PHF10: variants seen among roughly 807,000 people sequenced by gnomAD.
PHF10 encodes the protein BRG1-associated factor 45a.
In PHF10, 51 loss-of-function variants were observed where a neutral mutation model predicts 68.5. The ratio of observed to expected loss-of-function variants is 0.74; its 90% CI spans 0.59 to 0.94. The LOEUF is 0.94. PHF10 is among the 40% of genes least tolerant of loss of function. PHF10 has a pLI of 0.00. For synonymous variants in PHF10, 204 were observed against 203.5 expected, an observed-to-expected ratio of 1.00 and a Z score of -0.02; for missense variants, 460 against 602.6, an observed-to-expected ratio of 0.76 and a Z score of 2.48.
chr6:169,711,881 CT>C (rs1788932660), intron 8 of PHF10, among the ~76,000 whole-genome samples: 1 of 152,248 alleles, frequency 6.6e-6, no homozygotes, highest in East Asian at 1.9e-4. Context: ...TTTTATTCTC[CT>C]TCAGGTGCAC....
intron 3 of PHF10, 70 bp downstream of exon 3, chr6:169,718,718 T>A (rs1789109064): frequency 2.2e-6 from 2 of 903,768 alleles, no homozygotes; most frequent in African/African-American, 3.4e-5. Context: ...TACAGAAAAA[T>A]TCAGAAGTTG....
chr6:169,716,244 CTT>C (rs1227758520), intron 4 of PHF10, among the ~76,000 whole-genome samples, 156 bp from the exon 5 acceptor site: 1 of 152,082 alleles, frequency 6.6e-6, no homozygotes, highest in Non-Finnish European at 1.5e-5. Flanking sequence ...AATAATTAAA[CTT>C]AATATTCACA....
At chr6:169,719,319 G>T (rs983000020) in intron 2 of PHF10, 4 of 163,232 alleles carry the variant, frequency 2.5e-5, no homozygotes, top group African/African-American at 9.6e-5. Context: ...CTTGTCTACT[G>T]TTCAGTGAGT....
chr6:169,713,966 C>A (rs1446547943), intron 7 of PHF10, among the ~76,000 whole-genome samples: 1 of 152,056 alleles, frequency 6.6e-6, no homozygotes, highest in Non-Finnish European at 1.5e-5. Flanking sequence ...ACCAAAAATA[C>A]AAATAATTAG....
intron 7 of PHF10, among the ~76,000 whole-genome samples, chr6:169,712,929 T>C (rs1788958654): frequency 1.3e-5 from 2 of 152,192 alleles, no homozygotes; most frequent in African/African-American, 4.8e-5. Context: ...AATAATAGCA[T>C]CTACCGCATA....
Position 169,724,380 on chromosome 6 carries a change from C to CCGCCTCAGCCCCGCCGCT in PHF10, c.-467_-450dup, listed in dbSNP as rs1207013398. 3.1e-4 allele frequency among the ~76,000 whole-genome samples: 24 copies of CCGCCTCAGCCCCGCCGCT among 77,216 alleles called. No homozygotes were observed. The East Asian group carries it at 6.9e-3, about 22-fold the overall frequency. 50.7% of individuals were successfully genotyped at this position (77,216 alleles called of 152,430 possible). On this transcript the variant is annotated 5_prime_UTR_variant, in exon 1 of 12. Transcript: ENST00000339209. ...CCGCTCGCTCGCCTCAGCCCCGCGG[C>CCGCCTCAGCCCCGCCGCT]CGCCTCAGCCCCGCCGCTCGCCTCA...
chr6:169,723,967 G>T lies in PHF10; in HGVS notation c.-36C>A, dbSNP rs866291528. On this transcript the variant is annotated 5_prime_UTR_variant, in exon 1 of 12. Transcript: ENST00000339209. ...GCCCCGCGCCGCCGCCGCCGCCGTCGCCTCCGCCTTGTCCCGGCCGCCGCC... is the reference window on the plus strand; with the variant it reads ...GCCCCGCGCCGCCGCCGCCGCCGTCTCCTCCGCCTTGTCCCGGCCGCCGCC... 5.5e-5 allele frequency: 38 copies of T among 685,380 alleles called. No homozygotes were observed. The African/African-American group carries it at 6.9e-4, about 12-fold the overall frequency. 42.5% of individuals were successfully genotyped at this position (685,380 alleles called of 1,614,324 possible). A position where few individuals can be genotyped will look rare whatever the true frequency, so the allele number is the denominator to read the frequency against.
chr6:169,721,560 T>C (rs1017366169), intron 1 of PHF10, among the ~76,000 whole-genome samples: 9 of 152,188 alleles, frequency 5.9e-5, no homozygotes, highest in Non-Finnish European at 1.3e-4. Context: ...ATTCTAACTA[T>C]TCACTCTTCC....
At chr6:169,717,073 A>G (rs3924825) in intron 4 of PHF10, among the ~76,000 whole-genome samples, 60,898 of 151,866 alleles carry the variant, frequency 0.4, 14,281 homozygotes, top group East Asian at 0.94. Context: ...CCAACATGGT[A>G]AAACCCCGTC....
chr6:169,710,235 C>T lies in PHF10; in HGVS notation c.1113+1G>A. 4 of 1,605,000 alleles carry T rather than the reference C, an allele frequency of 2.5e-6. No individual in the cohort carries two copies. Among genetic ancestry groups the T allele is most frequent in the Non-Finnish European group, 3.4e-6 (4 of 1,177,138 alleles). ...CTGAGTCAGGGGCTTTTTTCTTCTA[C>T]CTTGTACCCAGGAACTGACTTGGAC... On this transcript the variant is annotated splice_donor_variant, in intron 9 of 11. Coordinates refer to ENST00000339209, the MANE Select transcript of PHF10 (RefSeq NM_018288.4). LOFTEE classifies it high-confidence loss of function.
Position 169,705,274 on chromosome 6 carries a change from T to TA in PHF10, c.1269dup (p.Lys424Ter). 6.2e-7 allele frequency: 1 copy of TA among 1,613,402 alleles called. No homozygotes were observed. Among genetic ancestry groups the TA allele is most frequent in the Non-Finnish European group, 8.5e-7 (1 of 1,179,506 alleles). ...TCCATACACTGCCATGGGTAGGTCT[T>TA]AATCATAGAAACAAGCTCCATTGTC... On this transcript the variant is annotated frameshift_variant, in exon 11 of 12. Transcript: ENST00000339209. LOFTEE classifies it high-confidence loss of function.
At chr6:169,716,301 A>G (rs964234541) in intron 4 of PHF10, among the ~76,000 whole-genome samples, 9 of 152,192 alleles carry the variant, frequency 5.9e-5, no homozygotes, top group African/African-American at 2.2e-4. Flanking sequence ...AAAGGCAAAT[A>G]TATCAATTTT....
At chr6:169,719,539 C>A (rs1330616956) in intron 2 of PHF10, among the ~76,000 whole-genome samples, 1 of 152,140 alleles carries the variant, frequency 6.6e-6, no homozygotes, top group Non-Finnish European at 1.5e-5. Context: ...CTATATTGGA[C>A]ATGGGAAAGT....
intron 8 of PHF10, 83 bp from the exon 9 acceptor site, chr6:169,710,474 C>A (rs41265397): frequency 8.9e-5 from 86 of 967,110 alleles, no homozygotes; most frequent in Admixed American, 4.6e-4. Context: ...GGAAAATATT[C>A]AAAGAAAGTT....
chr6:169,714,677 G>A (rs1015087063), intron 7 of PHF10, 56 bp downstream of exon 7: 6 of 862,228 alleles, frequency 7.0e-6, no homozygotes. Context: ...AGTACAAAAG[G>A]CTCTGAAACC....
At chr6:169,723,179 G>A (rs1349103031) in intron 1 of PHF10, among the ~76,000 whole-genome samples, 1 of 152,278 alleles carries the variant, frequency 6.6e-6, no homozygotes, top group East Asian at 1.9e-4. Context: ...CAAGCTTCCA[G>A]GCTTTTAAAA....
At chr6:169,714,914 G>C in intron 6 of PHF10, 72 bp from the exon 7 acceptor site, 1 of 834,104 alleles carries the variant, frequency 1.2e-6, no homozygotes, top group Non-Finnish European at 2.1e-6. Flanking sequence ...GAGTCCCCAC[G>C]TGCTCACCAC....
chr6:169,704,586 A>T (rs1788706794), intron 11 of PHF10: 1 of 169,876 alleles, frequency 5.9e-6, no homozygotes, highest in Admixed American at 6.5e-5. Flanking sequence ...TTGCTTGCTT[A>T]ATGATTCCCA....
chr6:169,723,805 G>A, intron 1 of PHF10, 40 bp downstream of exon 1: 1 of 699,344 alleles, frequency 1.4e-6, no homozygotes, highest in South Asian at 6.6e-5. Context: ...CCCAGGCCCG[G>A]GACGGGGTCA....
Sources: gnomAD v4.1 joint callset for allele counts (sites outside exome capture counted in the v4.1 genomes callset) on GRCh38, gnomAD v4.1.1 for gene constraint, MANE v1.5 for transcripts, NCBI Gene and HGNC (gene_info 2026-07-23, HGNC 2026-07-21) for gene names.